ADAMTS6: variants seen among roughly 807,000 people sequenced by gnomAD.
ADAMTS6 encodes A disintegrin and metalloproteinase with thrombospondin motifs 6.
ADAMTS6 carries 23 observed loss-of-function variants against 144.3 expected under a neutral mutation model. The observed-to-expected ratio is 0.16, with a 90% confidence interval of 0.11 to 0.23. The LOEUF is 0.23. ADAMTS6 is among the 10% of genes least tolerant of loss of function. The pLI, the probability that ADAMTS6 is intolerant of heterozygous loss-of-function variation, is 1.00. For synonymous variants in ADAMTS6, 444 were observed against 457.5 expected (o/e 0.97, Z 0.38); for missense variants, 999 against 1,379.6 (o/e 0.72, Z 4.37).
At chr5:65,351,926 A>G (rs960918056) in intron 7 of ADAMTS6, among the ~76,000 whole-genome samples, 15 of 152,274 alleles carry the variant, frequency 9.9e-5, no homozygotes, top group Admixed American at 9.2e-4. Context: ...GGAAGTACAC[A>G]TAGCCAGATA....
chr5:65,256,985 C>CTCTCTCTCTTTTT (rs765554792), intron 14 of ADAMTS6, among the ~76,000 whole-genome samples: 1 of 88,678 alleles, frequency 1.1e-5, no homozygotes, highest in African/African-American at 5.7e-5. Flanking sequence ...CTCTCTCTCT[C>CTCTCTCTCTTTTT]TTTTTTTTTT....
chr5:65,407,445 G>A (rs1163857537), intron 7 of ADAMTS6, among the ~76,000 whole-genome samples: 5 of 150,912 alleles, frequency 3.3e-5, no homozygotes, highest in Middle Eastern at 3.4e-3. Context: ...CCATTAACTC[G>A]TCATTTAGCA....
At chr5:65,403,208 C>T (rs1754091955) in intron 7 of ADAMTS6, among the ~76,000 whole-genome samples, 2 of 152,090 alleles carry the variant, frequency 1.3e-5, no homozygotes, top group South Asian at 4.1e-4. Context: ...TAACTAGCTG[C>T]TTTTTCTGTC....
chr5:65,195,989 A>G (rs759274108), intron 21 of ADAMTS6, among the ~76,000 whole-genome samples: 2 of 152,242 alleles, frequency 1.3e-5, no homozygotes, highest in Non-Finnish European at 2.9e-5. Flanking sequence ...GTTCTTACAG[A>G]TTATAATGTG....
In ADAMTS6 at chr5:65,273,355, C is replaced by T; in HGVS notation, c.1605G>A (p.Gly535=). 6.2e-7 allele frequency: 1 copy of T among 1,612,414 alleles called. No individual in the cohort carries two copies. The highest frequency in any genetic ancestry group is 8.5e-7 in the Non-Finnish European group (1 of 1,179,326). ...TTGAGCTTACCCCTTTTTCAATATT[C>T]CCAGTTTGACACAGTGTCCCCTCAG... ...PAAEGTLCQT[G]NIEKGWCYQG... Residue 535 remains glycine (G), a synonymous_variant, in exon 12 of 25, where the codon GGG becomes GGA. Coordinates refer to ENST00000381055, the MANE Select transcript of ADAMTS6 (RefSeq NM_197941.4).
At chr5:65,160,912 A>G (rs1319423239) in intron 24 of ADAMTS6, among the ~76,000 whole-genome samples, 1 of 151,948 alleles carries the variant, frequency 6.6e-6, no homozygotes, top group Non-Finnish European at 1.5e-5. Context: ...TCAGCCTCCC[A>G]AAGTGCTGGG....
At chr5:65,463,746 A>G (rs919626806) in intron 3 of ADAMTS6, among the ~76,000 whole-genome samples, 2 of 152,152 alleles carry the variant, frequency 1.3e-5, no homozygotes, top group Non-Finnish European at 2.9e-5. Context: ...CTCAAGGTCA[A>G]TCATCAACAA....
chr5:65,347,126 G>T (rs972005369), intron 7 of ADAMTS6, among the ~76,000 whole-genome samples: 3 of 151,694 alleles, frequency 2.0e-5, no homozygotes, highest in African/African-American at 4.8e-5. Flanking sequence ...ACTTTCCAAA[G>T]CAATCTACAG....
intron 11 of ADAMTS6, among the ~76,000 whole-genome samples, chr5:65,276,292 A>AT: frequency 6.6e-6 from 1 of 152,142 alleles, no homozygotes; most frequent in Non-Finnish European, 1.5e-5. Context: ...TTTTGTTACC[A>AT]TATTAACTTC....
At chr5:65,348,975 C>T (rs1193169364) in intron 7 of ADAMTS6, among the ~76,000 whole-genome samples, 2 of 152,190 alleles carry the variant, frequency 1.3e-5, no homozygotes, top group Non-Finnish European at 2.9e-5. Context: ...CACTTTACTA[C>T]ATCTAAAATT....
At chr5:65,227,267 TTG>T (rs1757794750) in intron 15 of ADAMTS6, among the ~76,000 whole-genome samples, 1 of 152,170 alleles carries the variant, frequency 6.6e-6, no homozygotes, top group Non-Finnish European at 1.5e-5. Context: ...TCATTGAAAT[TTG>T]TGTTTTTTAA....
chr5:65,401,137 A>G (rs1421880556), intron 7 of ADAMTS6, among the ~76,000 whole-genome samples: 1 of 152,194 alleles, frequency 6.6e-6, no homozygotes, highest in African/African-American at 2.4e-5. Context: ...ACTGGGTAAA[A>G]GCAATAGCTG....
intron 9 of ADAMTS6, among the ~76,000 whole-genome samples, chr5:65,326,926 GA>G (rs1183003041): frequency 6.6e-6 from 1 of 151,984 alleles, no homozygotes; most frequent in Non-Finnish European, 1.5e-5. Context: ...TTGACATATT[GA>G]AAAAAATAGT....
At position 65,451,632 on chromosome 5, in the gene ADAMTS6, C is replaced by T; in HGVS notation, c.928-12G>A. 3.7e-6 allele frequency: 6 copies of T among 1,611,570 alleles called. No homozygotes were observed. The highest frequency in any genetic ancestry group is 4.5e-5 in the East Asian group (2 of 44,666). On this transcript the variant is annotated splice_polypyrimidine_tract_variant and intron_variant, in intron 6 of 24. Coordinates refer to ENST00000381055, the MANE Select transcript of ADAMTS6 (RefSeq NM_197941.4). ...ATCTCCAAGTTTGGCTGCAATACAA[C>T]ATGCATACCAGAAATGTTCCAAACA...
chr5:65,466,926 C>G (rs1760061961), intron 3 of ADAMTS6, among the ~76,000 whole-genome samples: 2 of 151,838 alleles, frequency 1.3e-5, no homozygotes, highest in African/African-American at 4.8e-5. Context: ...CCTGTAGTCC[C>G]AGCTACTCGG....
At chr5:65,290,047 C>G (rs552709757) in intron 11 of ADAMTS6, among the ~76,000 whole-genome samples, 1 of 152,110 alleles carries the variant, frequency 6.6e-6, no homozygotes, top group Non-Finnish European at 1.5e-5. Context: ...TATAATCACA[C>G]ACAATCTTTC....
chr5:65,179,365 C>T (rs183130879), intron 22 of ADAMTS6, among the ~76,000 whole-genome samples: 93 of 152,226 alleles, frequency 6.1e-4, no homozygotes, highest in African/African-American at 2.1e-3. Flanking sequence ...CCCATCTGAG[C>T]CTCCCATGAC....
intron 7 of ADAMTS6, among the ~76,000 whole-genome samples, chr5:65,430,117 CTGAA>C (rs1315692532): frequency 1.3e-5 from 2 of 150,588 alleles, no homozygotes; most frequent in East Asian, 3.9e-4. Flanking sequence ...TTTTCTATTT[CTGAA>C]TGAAGGCGAA....
At chr5:65,291,684 T>A (rs1373770959) in intron 10 of ADAMTS6, among the ~76,000 whole-genome samples, 2 of 152,098 alleles carry the variant, frequency 1.3e-5, no homozygotes, top group Non-Finnish European at 2.9e-5. Flanking sequence ...CACAATAAAA[T>A]CATTTCAGAC....
Sources: allele counts gnomAD v4.1 joint callset (sites outside exome capture counted in the v4.1 genomes callset), GRCh38; gene constraint gnomAD v4.1.1; transcripts MANE v1.5; gene names NCBI Gene and HGNC (gene_info 2026-07-23, HGNC 2026-07-21).